Variants in IFNA21 observed in about 807,000 individuals in gnomAD.
IFNA21 encodes interferon alpha 21.
For missense variants in IFNA21, 272 were observed against 212.7 expected (o/e 1.28, Z -1.73); for synonymous variants, 101 against 82.9 (o/e 1.22, Z -1.19).
rs1819659405 is a variant in IFNA21 at position 21,166,067 on chromosome 9, T to C, written c.546A>G (p.Gln182=). The C allele has an allele frequency of 6.2e-7, 1 of 1,613,958 alleles. No homozygotes were observed. Among genetic ancestry groups the C allele is most frequent in the African/African-American group, 1.3e-5 (1 of 74,980 alleles). Residue 182 remains glutamine (Q), a synonymous_variant, in exon 1 of 1, where the codon CAA becomes CAG. Transcript: ENST00000380225. ...MRSFSLSKIF[Q]ERLRRKE is the part of the protein sequence containing the mutation. ...TTCATTCCTTCCTCCTTAATCTTTCTTGAAAAATTTTTGATAAAGAGAAGG... is the reference window on the plus strand; with the variant it reads ...TTCATTCCTTCCTCCTTAATCTTTCCTGAAAAATTTTTGATAAAGAGAAGG...
At position 21,166,650 on chromosome 9, in the gene IFNA21, G is replaced by A. The variant is rs10119942; in HGVS notation, c.-38C>T. 1,418 of 1,592,646 alleles carry A rather than the reference G, an allele frequency of 8.9e-4. 40 individuals are homozygous for A. The East Asian group carries it at 0.025, about 28-fold the overall frequency. ...AATATTGCTAGGCTACTTGAGATGG[G>A]TAACCTTGAACCTTGGCCTCTAGGT... On this transcript the variant is annotated 5_prime_UTR_variant, in exon 1 of 1. Transcript: ENST00000380225.
At position 21,165,994 on chromosome 9, in the gene IFNA21, T is replaced by C. The variant is rs757617994; in HGVS notation, c.*49A>G. 6.4e-7 allele frequency: 1 copy of C among 1,570,684 alleles called. No individual in the cohort carries two copies. The highest frequency in any genetic ancestry group is 8.6e-7 in the Non-Finnish European group (1 of 1,157,392). ...TGAAATGGCAGAAGTCATAGAAGTG[T>C]GGACTGGTGTATTAGTCAATACAGA... On this transcript the variant is annotated 3_prime_UTR_variant, in exon 1 of 1. Coordinates refer to ENST00000380225, the MANE Select transcript of IFNA21 (RefSeq NM_002175.2).
chr9:21,166,040 G>A lies in IFNA21; in HGVS notation c.*3C>T, dbSNP rs1487393431. 6.2e-7 allele frequency: 1 copy of A among 1,612,992 alleles called. No individual in the cohort carries two copies. The highest frequency in any genetic ancestry group is 8.5e-7 in the Non-Finnish European group (1 of 1,179,434). On this transcript the variant is annotated 3_prime_UTR_variant, in exon 1 of 1. Coordinates refer to ENST00000380225, the MANE Select transcript of IFNA21 (RefSeq NM_002175.2). ...ACAGATCATTTCCATGTTGAAACAGGTTTCATTCCTTCCTCCTTAATCTTT... is the reference window on the plus strand; with the variant it reads ...ACAGATCATTTCCATGTTGAAACAGATTTCATTCCTTCCTCCTTAATCTTT...
chr9:21,166,651 T>C lies in IFNA21; in HGVS notation c.-39A>G. 1 of 1,592,572 alleles carries C rather than the reference T, an allele frequency of 6.3e-7. No homozygotes were observed. On this transcript the variant is annotated 5_prime_UTR_variant, in exon 1 of 1. Transcript: ENST00000380225. ...ATATTGCTAGGCTACTTGAGATGGGTAACCTTGAACCTTGGCCTCTAGGTT... is the reference window on the plus strand; with the variant it reads ...ATATTGCTAGGCTACTTGAGATGGGCAACCTTGAACCTTGGCCTCTAGGTT...
rs777714240 is a variant in IFNA21 at position 21,166,493 on chromosome 9, G to C, written c.120C>G (p.Leu40=). Residue 40 remains leucine (L), a synonymous_variant, in exon 1 of 1, where the codon CTC becomes CTG. Transcript: ENST00000380225. The part of the protein sequence containing the change: ...HSLGNRRALI[L]LAQMGRISPF... ...GAGAGATTCTTCCCATTTGTGCCAG[G>C]AGTATCAAGGCCCTCCTATTACCCA... The C allele has an allele frequency of 3.1e-6, 5 of 1,614,032 alleles. No homozygotes were observed. In the South Asian group the frequency reaches 3.3e-5, roughly 11 times the overall value.
Sources: gnomAD v4.1 joint callset for allele counts on GRCh38, gnomAD v4.1.1 for gene constraint, MANE v1.5 for transcripts, NCBI Gene and HGNC (gene_info 2026-07-23, HGNC 2026-07-21) for gene names.